Variants in HIPK2 observed in about 807,000 individuals in gnomAD.
The protein encoded by HIPK2 is homeodomain-interacting protein kinase 2.
Under a neutral mutation model 113.7 loss-of-function variants are expected in HIPK2, and 27 were observed. The ratio of observed to expected loss-of-function variants is 0.24; its 90% CI spans 0.17 to 0.33. The LOEUF (loss-of-function observed/expected upper bound fraction) is 0.33, where lower values mean the gene tolerates loss of function less well. Among genes scored for constraint, HIPK2 ranks in the 10% least tolerant of loss-of-function variants. The pLI, the probability that HIPK2 is intolerant of heterozygous loss-of-function variation, is 1.00. For missense variants in HIPK2, 1,257 were observed against 1,588.0 expected, an observed-to-expected ratio of 0.79 and a Z score of 3.54; for synonymous variants, 631 against 642.2, an observed-to-expected ratio of 0.98 and a Z score of 0.26.
intron 10 of HIPK2, among the ~76,000 whole-genome samples, chr7:139,602,770 G>C (rs951828061): frequency 6.6e-6 from 1 of 152,148 alleles, no homozygotes; most frequent in Non-Finnish European, 1.5e-5. Context: ...GTCATGTACC[G>C]GGCACTGCGA....
intron 10 of HIPK2, among the ~76,000 whole-genome samples, chr7:139,601,022 G>A (rs1239188501): frequency 1.3e-5 from 2 of 152,080 alleles, no homozygotes; most frequent in East Asian, 1.9e-4. Context: ...GAGGGCAGAC[G>A]GCTTGAGCTC....
intron 1 of HIPK2, among the ~76,000 whole-genome samples, chr7:139,731,010 G>A (rs1036013667): frequency 2.6e-5 from 4 of 152,194 alleles, no homozygotes; most frequent in African/African-American, 9.7e-5. Flanking sequence ...TCGAGGGAAC[G>A]TGGCCCTGCC....
chr7:139,764,241 C>G (rs940399873), intron 1 of HIPK2, among the ~76,000 whole-genome samples: 4 of 152,206 alleles, frequency 2.6e-5, no homozygotes, highest in Non-Finnish European at 5.9e-5. Flanking sequence ...ACCAACGAAA[C>G]TGATACTACG....
rs543223121 is a variant in HIPK2, at chr7:139,575,207, C to T, written c.3047G>A (p.Ser1016Asn). The change falls in exon 14 of 15, where the codon AGC becomes AAC. Residue 1016 changes from serine (S) to asparagine (N), a missense_variant. Physicochemically the swap from Ser to Asn is conservative, Grantham distance 46 (BLOSUM62 1). Around this residue, in one of 5 missense-constraint regions of HIPK2, gnomAD observed 862 missense variants for 1,004.3 expected, o/e 0.86. Coordinates refer to ENST00000406875, the MANE Select transcript of HIPK2 (RefSeq NM_022740.5). The part of the protein sequence containing the change: ...VTSTSGHSSG[S>N]SSGAITYRQQ... ...CCGGTAGGTGATGGCTCCAGATGAGCTCCCTGAAGAGTGACCGCTGGTGGA... is the reference window on the plus strand; with the variant it reads ...CCGGTAGGTGATGGCTCCAGATGAGTTCCCTGAAGAGTGACCGCTGGTGGA... The T allele has an allele frequency of 3.2e-6, 5 of 1,586,564 alleles. No homozygotes were observed. The highest frequency in any genetic ancestry group is 1.3e-5 in the African/African-American group (1 of 74,620).
chr7:139,770,712 T>C lies in HIPK2; in HGVS notation c.19+6893A>G, dbSNP rs538668750. The stretch of plus-strand genomic sequence containing the variant: ...ATTCTTTTTGTGACAAAGGTTTTTA[T>C]AGAGTCGACAGCATTAACACATGCA... On this transcript the variant is annotated intron_variant, in intron 1 of 14. Coordinates refer to ENST00000406875, the MANE Select transcript of HIPK2 (RefSeq NM_022740.5). Among the ~76,000 whole-genome samples, 13 of 152,354 alleles carry C rather than the reference T, an allele frequency of 8.5e-5. No individual in the cohort carries two copies. In the South Asian group the frequency reaches 2.3e-3, roughly 27 times the overall value.
chr7:139,760,062 G>C (rs1396838379), intron 1 of HIPK2, among the ~76,000 whole-genome samples: 1 of 151,674 alleles, frequency 6.6e-6, no homozygotes, highest in African/African-American at 2.4e-5. Context: ...GAGTGCAGTG[G>C]CGTGATCTTG....
At chr7:139,668,976 C>T (rs115754418) in intron 2 of HIPK2, among the ~76,000 whole-genome samples, 4,509 of 152,300 alleles carry the variant, frequency 0.03, 199 homozygotes, top group African/African-American at 0.1. Flanking sequence ...AAAGAATTCA[C>T]GTGGAAGGAT....
chr7:139,648,985 G>A (rs1801352321), intron 2 of HIPK2, among the ~76,000 whole-genome samples: 2 of 152,048 alleles, frequency 1.3e-5, no homozygotes, highest in Admixed American at 1.3e-4. Context: ...GGCGTCTGAA[G>A]GTATTATTCA....
At chr7:139,577,140 C>CTTTT (rs966966045) in intron 13 of HIPK2, among the ~76,000 whole-genome samples, 39 of 91,444 alleles carry the variant, frequency 4.3e-4, no homozygotes, top group Middle Eastern at 8.6e-3. Flanking sequence ...ACTGGGCTTC[C>CTTTT]TTTTTTTTTT....
At chr7:139,667,684 C>A (rs1802095319) in intron 2 of HIPK2, among the ~76,000 whole-genome samples, 1 of 152,014 alleles carries the variant, frequency 6.6e-6, no homozygotes, top group African/African-American at 2.4e-5. Context: ...TTGCCAGATT[C>A]TCGGGAAAAT....
At chr7:139,718,875 TTTC>T (rs1213664145) in intron 1 of HIPK2, among the ~76,000 whole-genome samples, 3 of 152,194 alleles carry the variant, frequency 2.0e-5, no homozygotes, top group Non-Finnish European at 4.4e-5. Context: ...TATGCTCCCT[TTTC>T]TTCAATGCCC....
intron 1 of HIPK2, among the ~76,000 whole-genome samples, chr7:139,730,364 C>CT (rs762755336): frequency 0.013 from 1,940 of 144,476 alleles, 28 homozygotes; most frequent in African/African-American, 0.04. Flanking sequence ...TTTTTTCTCT[C>CT]TTTTTTTTTT....
At chr7:139,573,433 C>A (rs1798379445) in intron 14 of HIPK2, 36 bp from the exon 15 acceptor site, 2 of 1,584,182 alleles carry the variant, frequency 1.3e-6, no homozygotes, top group Non-Finnish European at 1.7e-6. Context: ...ACGTCAGGGG[C>A]CGACACATGG....
Position 139,604,088 on chromosome 7 carries a change from C to T in HIPK2, c.2248G>A (p.Asp750Asn). 6.2e-7 allele frequency: 1 copy of T among 1,613,908 alleles called. No individual in the cohort carries two copies. The highest frequency in any genetic ancestry group is 1.1e-5 in the South Asian group (1 of 91,068). Residue 750 changes from aspartate to asparagine, a missense_variant, in exon 10 of 15, where the codon GAC (aspartate) becomes AAC (asparagine). This residue lies in a region of HIPK2 where 862 missense variants were observed against 1,004.3 expected (regional missense o/e 0.86). Coordinates refer to ENST00000406875, the MANE Select transcript of HIPK2 (RefSeq NM_022740.5). ...ETMAGTQQLADWRNTHAHGSH... is the reference protein window; with the variant it reads ...ETMAGTQQLANWRNTHAHGSH... Reference sequence around the variant, plus strand: ...GAGGGGTTTCCTGCTTACCTCCAGTCCGCCAGCTGCTGGGTGCCTGCCATG... The same window carrying T: ...GAGGGGTTTCCTGCTTACCTCCAGTTCGCCAGCTGCTGGGTGCCTGCCATG...
At chr7:139,760,042 G>T (rs536489360) in intron 1 of HIPK2, among the ~76,000 whole-genome samples, 1 of 148,524 alleles carries the variant, frequency 6.7e-6, no homozygotes, top group Non-Finnish European at 1.5e-5. Flanking sequence ...TTGCTCTGTC[G>T]CCCAGGCTGG....
chr7:139,614,555 G>A, intron 7 of HIPK2, 62 bp from the exon 8 acceptor site: 1 of 1,025,624 alleles, frequency 9.8e-7, no homozygotes, highest in Non-Finnish European at 1.3e-6. Context: ...GAGGTGGCAT[G>A]TTGGGAGACA....
chr7:139,763,474 C>T (rs1009190655), intron 1 of HIPK2, among the ~76,000 whole-genome samples: 2 of 121,622 alleles, frequency 1.6e-5, no homozygotes, highest in African/African-American at 7.1e-5. Context: ...CGGAACACGC[C>T]CCCCCCCCCA....
At chr7:139,601,009 G>A (rs1182322527) in intron 10 of HIPK2, among the ~76,000 whole-genome samples, 1 of 152,130 alleles carries the variant, frequency 6.6e-6, no homozygotes, top group Non-Finnish European at 1.5e-5. Context: ...CTGGGAGACC[G>A]AGGAGGGCAG....
intron 4 of HIPK2, 150 bp from the exon 5 acceptor site, chr7:139,629,189 C>G: frequency 1.5e-6 from 1 of 647,996 alleles, no homozygotes. Flanking sequence ...ACCTGCAATT[C>G]CCTTCTCTCT....
Sources: gnomAD v4.1 joint callset for allele counts (sites outside exome capture counted in the v4.1 genomes callset) on GRCh38, gnomAD v4.1.1 for gene constraint, gnomAD v4.1.1 regional missense constraint, MANE v1.5 for transcripts, NCBI Gene and HGNC (gene_info 2026-07-23, HGNC 2026-07-21) for gene names.